Variants in XKR6 observed in about 807,000 individuals in gnomAD.
The protein encoded by XKR6 is XK related 6, also known as XK-related protein 6.
Under a neutral mutation model 56.7 loss-of-function variants are expected in XKR6, and 22 were observed. The observed-to-expected ratio is 0.39, with a 90% CI of 0.28 to 0.55. The LOEUF is 0.55. XKR6 is among the 20% of genes least tolerant of loss of function. XKR6 has a pLI of 0.66. For synonymous variants in XKR6, 524 were observed against 387.8 expected (o/e 1.35, Z -4.13); for missense variants, 852 against 889.0 (o/e 0.96, Z 0.53).
chr8:11,045,319 C>T (rs1351197308), intron 1 of XKR6, among the ~76,000 whole-genome samples: 1 of 151,800 alleles, frequency 6.6e-6, no homozygotes, highest in Non-Finnish European at 1.5e-5. Flanking sequence ...AACTCCTAAC[C>T]TCAAGTGATC....
chr8:11,058,088 T>G (rs1173559382), intron 1 of XKR6, among the ~76,000 whole-genome samples: 13 of 152,234 alleles, frequency 8.5e-5, no homozygotes, highest in Admixed American at 3.3e-4. Flanking sequence ...GGACTAAATA[T>G]CGGACTGGGT....
At chr8:10,957,635 C>T (rs1052423054) in intron 1 of XKR6, among the ~76,000 whole-genome samples, 4 of 152,186 alleles carry the variant, frequency 2.6e-5, no homozygotes, top group South Asian at 2.1e-4. Context: ...ATGGAGCTTC[C>T]GCCTGCCAAG....
At chr8:11,010,533 A>C (rs898647707) in intron 1 of XKR6, among the ~76,000 whole-genome samples, 4 of 152,150 alleles carry the variant, frequency 2.6e-5, no homozygotes, top group African/African-American at 9.6e-5. Flanking sequence ...GCCCTAGCAC[A>C]ATGCCTAGCA....
chr8:10,989,500 G>A (rs142467458), intron 1 of XKR6, among the ~76,000 whole-genome samples: 1 of 152,188 alleles, frequency 6.6e-6, no homozygotes, highest in African/African-American at 2.4e-5. Context: ...AGAAGTCCCA[G>A]GGAAGAAGAG....
intron 1 of XKR6, among the ~76,000 whole-genome samples, chr8:11,076,732 G>A (rs139110616): frequency 5.1e-4 from 78 of 152,374 alleles, no homozygotes; most frequent in African/African-American, 1.8e-3. Flanking sequence ...CTCAGCCAGC[G>A]CAGGCAGCGA....
intron 1 of XKR6, among the ~76,000 whole-genome samples, chr8:11,096,843 T>C (rs992630475): frequency 6.6e-6 from 1 of 152,254 alleles, no homozygotes; most frequent in African/African-American, 2.4e-5. Context: ...ATGAAGAATA[T>C]GCATACTCAA....
intron 1 of XKR6, among the ~76,000 whole-genome samples, chr8:10,939,670 G>T (rs959040956): frequency 6.6e-6 from 1 of 152,244 alleles, no homozygotes; most frequent in Non-Finnish European, 1.5e-5. Context: ...GGTTCGTAAA[G>T]CTTCCCCTAA....
At chr8:11,111,103 C>T (rs953546057) in intron 1 of XKR6, among the ~76,000 whole-genome samples, 1 of 151,318 alleles carries the variant, frequency 6.6e-6, no homozygotes, top group African/African-American at 2.4e-5. Flanking sequence ...ATCTGCCCGC[C>T]TCGGCCTCCC....
At chr8:11,164,411 T>A in intron 1 of XKR6, among the ~76,000 whole-genome samples, 1 of 152,338 alleles carries the variant, frequency 6.6e-6, no homozygotes, top group Admixed American at 6.5e-5. Context: ...CTCAGTTTCA[T>A]CGCCCCTGCA....
At chr8:11,064,186 T>C (rs1452038559) in intron 1 of XKR6, among the ~76,000 whole-genome samples, 1 of 152,110 alleles carries the variant, frequency 6.6e-6, no homozygotes, top group Non-Finnish European at 1.5e-5. Flanking sequence ...TTTCATGCAT[T>C]TCCTCCCTTC....
intron 1 of XKR6, chr8:11,195,107 G>C (rs1440288496): frequency 1.4e-6 from 1 of 702,894 alleles, no homozygotes; most frequent in Non-Finnish European, 2.6e-6. Flanking sequence ...AGCTAAGCAA[G>C]TATTTCTGGA....
intron 1 of XKR6, among the ~76,000 whole-genome samples, chr8:10,981,866 A>G (rs1028694365): frequency 2.0e-5 from 3 of 152,248 alleles, no homozygotes; most frequent in African/African-American, 7.2e-5. Context: ...TGATAAATGG[A>G]AAGATGGGCA....
intron 1 of XKR6, among the ~76,000 whole-genome samples, chr8:11,059,725 G>A (rs1367641932): frequency 6.7e-6 from 1 of 149,364 alleles, no homozygotes; most frequent in African/African-American, 2.4e-5. Flanking sequence ...CGGCTCCCCG[G>A]CCCGCGCCCC....
intron 1 of XKR6, among the ~76,000 whole-genome samples, chr8:11,165,008 T>A (rs896352429): frequency 9.9e-5 from 15 of 151,200 alleles, no homozygotes; most frequent in African/African-American, 3.4e-4. Flanking sequence ...ACCAACAGGG[T>A]TAAGATACGC....
intron 1 of XKR6, among the ~76,000 whole-genome samples, chr8:11,008,927 C>G (rs1798437304): frequency 6.6e-6 from 1 of 152,160 alleles, no homozygotes; most frequent in Non-Finnish European, 1.5e-5. Flanking sequence ...TGAGGGAAAT[C>G]TCTTGACATG....
intron 2 of XKR6, among the ~76,000 whole-genome samples, chr8:10,916,963 C>T (rs1467300636): frequency 1.3e-5 from 2 of 152,118 alleles, no homozygotes; most frequent in East Asian, 1.9e-4. Flanking sequence ...ACTGAAGAGA[C>T]ACAAAGATCC....
At chr8:10,962,268 A>C (rs910874117) in intron 1 of XKR6, among the ~76,000 whole-genome samples, 1 of 152,204 alleles carries the variant, frequency 6.6e-6, no homozygotes. Context: ...AGGTGCTATC[A>C]AGTCACATAG....
intron 1 of XKR6, among the ~76,000 whole-genome samples, chr8:11,053,475 C>T (rs1382057848): frequency 6.6e-6 from 1 of 152,214 alleles, no homozygotes; most frequent in Non-Finnish European, 1.5e-5. Flanking sequence ...TCCCCATTCC[C>T]AGACAGAGGA....
chr8:11,083,502 A>C (rs1797794079), intron 1 of XKR6, among the ~76,000 whole-genome samples: 1 of 149,456 alleles, frequency 6.7e-6, no homozygotes, highest in Non-Finnish European at 1.5e-5. Context: ...TTTTTATTAC[A>C]CCCCCCGTTG....
Sources: allele counts gnomAD v4.1 joint callset (sites outside exome capture counted in the v4.1 genomes callset), GRCh38; gene constraint gnomAD v4.1.1; transcripts MANE v1.5; gene names NCBI Gene and HGNC (gene_info 2026-07-23, HGNC 2026-07-21).